EPB41L5: variants seen among roughly 807,000 people sequenced by gnomAD.
The protein encoded by EPB41L5 is erythrocyte membrane protein band 4.1 like 5, also known as band 4.1-like protein 5.
A neutral mutation model predicts 106.6 loss-of-function variants in EPB41L5; 55 were observed. That is an observed-to-expected ratio of 0.52 (90% CI 0.42 to 0.65). The LOEUF (loss-of-function observed/expected upper bound fraction) is 0.65, where lower values mean the gene tolerates loss of function less well. Among genes scored for constraint, EPB41L5 ranks in the 30% least tolerant of loss-of-function variants. The probability of loss-of-function intolerance (pLI) is 0.00; values close to 1 mark genes in which losing one functional copy is unlikely to be tolerated. For synonymous variants in EPB41L5, 297 were observed against 306.7 expected (o/e 0.97, Z 0.33); for missense variants, 871 against 882.1 (o/e 0.99, Z 0.16).
At chr2:120,090,055 A>G (rs1683307533) in intron 11 of EPB41L5, among the ~76,000 whole-genome samples, 1 of 151,974 alleles carries the variant, frequency 6.6e-6, no homozygotes, top group Admixed American at 6.6e-5. Context: ...TCCTCAAATT[A>G]TAATTATACA....
chr2:120,117,224 AT>A (rs1684987242), intron 16 of EPB41L5, among the ~76,000 whole-genome samples: 2 of 152,144 alleles, frequency 1.3e-5, no homozygotes, highest in Non-Finnish European at 2.9e-5. Flanking sequence ...CCAATGCCTT[AT>A]TCCTATCTCC....
intron 24 of EPB41L5, 37 bp downstream of exon 24, chr2:120,168,044 T>A: frequency 6.2e-7 from 1 of 1,607,844 alleles, no homozygotes; most frequent in Non-Finnish European, 8.5e-7. Flanking sequence ...TTCTTAGGCA[T>A]CTGTTAGGAA....
chr2:120,061,104 G>C (rs1298777210), intron 3 of EPB41L5, among the ~76,000 whole-genome samples: 1 of 140,174 alleles, frequency 7.1e-6, no homozygotes, highest in Non-Finnish European at 1.5e-5. Context: ...GCAGTGGTGT[G>C]ATCTCAGCTT....
At chr2:120,019,718 A>G (rs1677797089) in intron 2 of EPB41L5, among the ~76,000 whole-genome samples, 1 of 152,194 alleles carries the variant, frequency 6.6e-6, no homozygotes, top group Non-Finnish European at 1.5e-5. Flanking sequence ...TTTCTTCTAA[A>G]TAAATATTTC....
At chr2:120,065,515 CTTTTT>C (rs11373500) in intron 3 of EPB41L5, among the ~76,000 whole-genome samples, 1 of 139,938 alleles carries the variant, frequency 7.1e-6, no homozygotes. Flanking sequence ...TTAGATTGTT[CTTTTT>C]TTTTTTTTTT....
At chr2:120,145,635 A>G (rs1455225630) in intron 19 of EPB41L5, among the ~76,000 whole-genome samples, 1 of 152,136 alleles carries the variant, frequency 6.6e-6, no homozygotes, top group Non-Finnish European at 1.5e-5. Context: ...ATTAAACTGT[A>G]CTTTAAAAAA....
chr2:120,127,397 G>T (rs1166201976), intron 16 of EPB41L5, among the ~76,000 whole-genome samples: 1 of 152,150 alleles, frequency 6.6e-6, no homozygotes, highest in African/African-American at 2.4e-5. Flanking sequence ...AGACGCGCAA[G>T]TGCCTTATAT....
chr2:120,050,706 T>C (rs1042436803), intron 3 of EPB41L5, among the ~76,000 whole-genome samples: 2 of 152,260 alleles, frequency 1.3e-5, no homozygotes, highest in Admixed American at 1.3e-4. Context: ...GGCGAGGAGC[T>C]GCGTTCCTTT....
intron 3 of EPB41L5, among the ~76,000 whole-genome samples, chr2:120,054,810 T>C (rs374756279): frequency 2.6e-5 from 4 of 151,978 alleles, no homozygotes; most frequent in South Asian, 2.1e-4. Flanking sequence ...ACTATAGATA[T>C]GTGGGTTTAT....
At chr2:120,094,246 C>T (rs933941395) in intron 14 of EPB41L5, among the ~76,000 whole-genome samples, 12 of 152,284 alleles carry the variant, frequency 7.9e-5, no homozygotes, top group Middle Eastern at 6.8e-3. Flanking sequence ...CTCTGCCTCC[C>T]GTCTTGCTGG....
intron 11 of EPB41L5, among the ~76,000 whole-genome samples, chr2:120,089,499 A>T (rs973449895): frequency 2.0e-5 from 3 of 152,130 alleles, no homozygotes; most frequent in Non-Finnish European, 2.9e-5. Flanking sequence ...ACCTATGTAG[A>T]TCTAACATAT....
chr2:120,166,240 T>C (rs1306029957), intron 22 of EPB41L5, among the ~76,000 whole-genome samples: 2 of 152,176 alleles, frequency 1.3e-5, no homozygotes, highest in African/African-American at 4.8e-5. Flanking sequence ...GTTTCTAACA[T>C]GTTCCCAGGT....
At chr2:120,113,362 T>G (rs1665068) in intron 16 of EPB41L5, among the ~76,000 whole-genome samples, 152,328 of 152,332 alleles carry the variant, frequency 1, 76,162 homozygotes, top group Non-Finnish European at 1. Flanking sequence ...TTACTCCAAA[T>G]TATGGAAGGA....
chr2:120,104,268 CTT>C (rs1684323075), intron 16 of EPB41L5: 3 of 1,522,654 alleles, frequency 2.0e-6, no homozygotes, highest in Non-Finnish European at 2.6e-6. Context: ...CTTTGGGACT[CTT>C]TGTCATGCAA....
At chr2:120,030,055 C>G (rs1678599049) in intron 2 of EPB41L5, among the ~76,000 whole-genome samples, 2 of 152,208 alleles carry the variant, frequency 1.3e-5, no homozygotes, top group Admixed American at 1.3e-4. Context: ...TGAAAGAAAT[C>G]AGACCTAATT....
At chr2:120,165,552 A>G (rs1687358961) in intron 22 of EPB41L5, among the ~76,000 whole-genome samples, 1 of 152,184 alleles carries the variant, frequency 6.6e-6, no homozygotes, top group South Asian at 2.1e-4. Flanking sequence ...TACAGACACA[A>G]CCATCCTTTT....
chr2:120,018,550 ATATT>A (rs1454445224), intron 1 of EPB41L5, among the ~76,000 whole-genome samples: 1 of 152,168 alleles, frequency 6.6e-6, no homozygotes, highest in Admixed American at 6.5e-5. Flanking sequence ...AAAATTGTGT[ATATT>A]TATCATTTAT....
At chr2:120,158,206 C>CA (rs1211147855) in intron 20 of EPB41L5, among the ~76,000 whole-genome samples, 2 of 152,096 alleles carry the variant, frequency 1.3e-5, no homozygotes, top group African/African-American at 4.8e-5. Flanking sequence ...GAAACTATTT[C>CA]AAAAAATTGA....
intron 20 of EPB41L5, among the ~76,000 whole-genome samples, chr2:120,148,782 A>G (rs1686527952): frequency 6.6e-6 from 1 of 151,926 alleles, no homozygotes; most frequent in Non-Finnish European, 1.5e-5. Flanking sequence ...AATTGTTTCC[A>G]CTCTTTAGCT....
Sources: gnomAD v4.1 joint callset for allele counts (sites outside exome capture counted in the v4.1 genomes callset) on GRCh38, gnomAD v4.1.1 for gene constraint, MANE v1.5 for transcripts, NCBI Gene and HGNC (gene_info 2026-07-23, HGNC 2026-07-21) for gene names.